Variants in VOPP1 observed in about 807,000 individuals in gnomAD.
The protein encoded by VOPP1 is WW domain binding protein VOPP1.
Under a neutral mutation model 23.5 loss-of-function variants are expected in VOPP1, and 8 were observed. That is an observed-to-expected ratio of 0.34 (90% CI 0.20 to 0.61). The LOEUF is 0.61. VOPP1 is among the 20% of genes least tolerant of loss of function. The pLI is 0.78. For missense variants in VOPP1, 174 were observed against 238.1 expected (o/e 0.73, Z 1.77); for synonymous variants, 83 against 97.3 (o/e 0.85, Z 0.86).
intron 2 of VOPP1, among the ~76,000 whole-genome samples, chr7:55,515,762 T>G (rs550279826): frequency 6.6e-6 from 1 of 152,258 alleles, no homozygotes; most frequent in South Asian, 2.1e-4. Context: ...ATGAGGAGGA[T>G]TCAATGCTCC....
chr7:55,539,921 A>G (rs1463941414), intron 1 of VOPP1, among the ~76,000 whole-genome samples: 2 of 151,312 alleles, frequency 1.3e-5, no homozygotes, highest in Non-Finnish European at 2.9e-5. Context: ...ACACACACAC[A>G]CACACACACA....
At chr7:55,439,350 CA>C (rs1790908844) in intron 4 of VOPP1, among the ~76,000 whole-genome samples, 1 of 152,014 alleles carries the variant, frequency 6.6e-6, no homozygotes, top group South Asian at 2.1e-4. Context: ...ACGCATGAGA[CA>C]AAAGCCAAGC....
intron 1 of VOPP1, among the ~76,000 whole-genome samples, chr7:55,557,451 A>G (rs1157363763): frequency 6.7e-6 from 1 of 150,308 alleles, no homozygotes; most frequent in Non-Finnish European, 1.5e-5. Context: ...ATACTCAAAC[A>G]TAAGATGTTT....
At chr7:55,436,390 T>G (rs1161787445) in intron 4 of VOPP1, among the ~76,000 whole-genome samples, 1 of 152,098 alleles carries the variant, frequency 6.6e-6, no homozygotes, top group East Asian at 1.9e-4. Flanking sequence ...GTGGGAGGAT[T>G]TAAATGACAA....
intron 1 of VOPP1, among the ~76,000 whole-genome samples, chr7:55,548,804 A>G (rs1421180653): frequency 6.6e-6 from 1 of 152,240 alleles, no homozygotes; most frequent in Non-Finnish European, 1.5e-5. Context: ...TGCTCTGTAG[A>G]TTATAAGTAG....
chr7:55,451,442 G>A (rs1481626270), intron 4 of VOPP1, among the ~76,000 whole-genome samples: 1 of 152,184 alleles, frequency 6.6e-6, no homozygotes, highest in Non-Finnish European at 1.5e-5. Context: ...TGTAGTCTAT[G>A]AAGTGCACAA....
intron 4 of VOPP1, among the ~76,000 whole-genome samples, chr7:55,450,325 C>A (rs1791211983): frequency 1.3e-5 from 1 of 76,134 alleles, no homozygotes; most frequent in Non-Finnish European, 2.6e-5. Flanking sequence ...CAGGGCTGAC[C>A]ACCCAGCACT....
At chr7:55,513,472 G>C (rs1216306506) in intron 2 of VOPP1, among the ~76,000 whole-genome samples, 1 of 152,120 alleles carries the variant, frequency 6.6e-6, no homozygotes, top group East Asian at 1.9e-4. Flanking sequence ...CTTCCGAGAA[G>C]CTTCCCCACA....
intron 2 of VOPP1, among the ~76,000 whole-genome samples, chr7:55,509,264 T>C (rs1162953518): frequency 1.3e-5 from 2 of 152,202 alleles, no homozygotes; most frequent in Non-Finnish European, 2.9e-5. Context: ...CAGGCTGTTA[T>C]AATAAAATAC....
At chr7:55,473,331 G>A (rs571159346) in intron 4 of VOPP1, among the ~76,000 whole-genome samples, 3 of 152,344 alleles carry the variant, frequency 2.0e-5, no homozygotes, top group South Asian at 2.1e-4. Flanking sequence ...GGCTGTCTGC[G>A]GTGAACTATC....
At chr7:55,468,045 G>A (rs1392770121), downstream of VOPP1, among the ~76,000 whole-genome samples, 1 of 152,128 alleles carries the variant, frequency 6.6e-6, no homozygotes, top group African/African-American at 2.4e-5. Flanking sequence ...AGGCCGAGGC[G>A]GGCGGATCAC....
intron 4 of VOPP1, among the ~76,000 whole-genome samples, chr7:55,479,321 A>G (rs1452774815): frequency 2.0e-5 from 3 of 148,946 alleles, no homozygotes; most frequent in Non-Finnish European, 4.5e-5. Context: ...CCACCCCACA[A>G]CAGTCCCCAG....
At chr7:55,523,636 C>T (rs1169129428) in intron 1 of VOPP1, among the ~76,000 whole-genome samples, 1 of 152,176 alleles carries the variant, frequency 6.6e-6, no homozygotes, top group Non-Finnish European at 1.5e-5. Context: ...TACTTAGTGC[C>T]AATGAACAAC....
At chr7:55,507,240 C>T (rs976470645) in intron 2 of VOPP1, among the ~76,000 whole-genome samples, 9 of 152,144 alleles carry the variant, frequency 5.9e-5, no homozygotes, top group African/African-American at 1.9e-4. Flanking sequence ...TAAAAACACC[C>T]GTGCCTGCTG....
chr7:55,434,964 C>A (rs1272665246), downstream of VOPP1, among the ~76,000 whole-genome samples: 3 of 152,216 alleles, frequency 2.0e-5, no homozygotes, highest in Admixed American at 6.5e-5. Flanking sequence ...TTAGCTTAGG[C>A]AGTTTTCACA....
chr7:55,479,180 G>A (rs1179862122), intron 4 of VOPP1, among the ~76,000 whole-genome samples: 2 of 148,596 alleles, frequency 1.3e-5, no homozygotes. Flanking sequence ...TATACTTTAA[G>A]TTTTAGGGTA....
intron 4 of VOPP1, among the ~76,000 whole-genome samples, chr7:55,443,398 C>CA (rs1195540582): frequency 1.3e-5 from 2 of 151,440 alleles, no homozygotes; most frequent in Non-Finnish European, 2.9e-5. Flanking sequence ...ACTAAAAATA[C>CA]AAAAAATAAG....
chr7:55,488,395 G>A (rs1036541409), intron 4 of VOPP1, among the ~76,000 whole-genome samples: 8 of 152,054 alleles, frequency 5.3e-5, no homozygotes, highest in African/African-American at 9.7e-5. Context: ...TGAGCCCTTC[G>A]GCCAGCAGCT....
chr7:55,528,513 C>T (rs756528590), intron 1 of VOPP1, among the ~76,000 whole-genome samples: 14 of 151,962 alleles, frequency 9.2e-5, no homozygotes, highest in Non-Finnish European at 1.8e-4. Flanking sequence ...GGTAAAACCC[C>T]ATCTGTACTA....
Sources: gnomAD v4.1 joint callset for allele counts (sites outside exome capture counted in the v4.1 genomes callset) on GRCh38, gnomAD v4.1.1 for gene constraint, MANE v1.5 for transcripts, NCBI Gene and HGNC (gene_info 2026-07-23, HGNC 2026-07-21) for gene names.